Variants in RNF43 observed in about 807,000 individuals in gnomAD.
RNF43 encodes the protein ring finger protein 43.
Under a neutral mutation model 78.4 loss-of-function variants are expected in RNF43, and 37 were observed. The ratio of observed to expected loss-of-function variants is 0.47; its 90% CI spans 0.36 to 0.62. RNF43 has a LOEUF of 0.62. Ranked by LOEUF, RNF43 falls within the 20% of genes least tolerant of loss-of-function variation. The pLI is 0.00. For missense variants in RNF43, 774 were observed against 1,007.9 expected (o/e 0.77, Z 3.14); for synonymous variants, 347 against 395.0 (o/e 0.88, Z 1.44).
chr17:58,376,868 A>C (rs1466278705), intron 2 of RNF43, among the ~76,000 whole-genome samples: 3 of 152,198 alleles, frequency 2.0e-5, no homozygotes, highest in Non-Finnish European at 2.9e-5. Flanking sequence ...ACTGTCTCAC[A>C]GGCTGCCATG....
chr17:58,410,814 G>T (rs898929287), intron 2 of RNF43, among the ~76,000 whole-genome samples: 2 of 152,210 alleles, frequency 1.3e-5, no homozygotes, highest in Non-Finnish European at 2.9e-5. Flanking sequence ...TTATTAGAAG[G>T]TAGCAGGATA....
chr17:58,403,262 G>C (rs900626617), intron 2 of RNF43, among the ~76,000 whole-genome samples: 20 of 152,134 alleles, frequency 1.3e-4, no homozygotes, highest in Admixed American at 5.9e-4. Flanking sequence ...TGGGGGACTT[G>C]CTAATGTTGC....
chr17:58,376,877 T>C (rs533578941), intron 2 of RNF43, among the ~76,000 whole-genome samples: 9 of 152,256 alleles, frequency 5.9e-5, no homozygotes, highest in African/African-American at 2.2e-4. Context: ...CAGGCTGCCA[T>C]GAGGGGCAAA....
chr17:58,353,138 G>A (rs1055269462), downstream of RNF43: 6 of 206,708 alleles, frequency 2.9e-5, no homozygotes, highest in African/African-American at 1.4e-4. Context: ...TTCAGGCCCC[G>A]CTGCGCTGTC....
At chr17:58,408,813 C>T (rs1973967045) in intron 2 of RNF43, among the ~76,000 whole-genome samples, 1 of 152,144 alleles carries the variant, frequency 6.6e-6, no homozygotes, top group South Asian at 2.1e-4. Context: ...TCATTATATT[C>T]ATTAATAAAT....
chr17:58,369,136 G>T (rs1973026810), intron 3 of RNF43, among the ~76,000 whole-genome samples: 2 of 152,090 alleles, frequency 1.3e-5, no homozygotes, highest in Admixed American at 1.3e-4. Flanking sequence ...ACAGGCACTG[G>T]GAACTTGTTT....
chr17:58,395,374 C>T (rs1466107075), intron 2 of RNF43, among the ~76,000 whole-genome samples: 2 of 152,176 alleles, frequency 1.3e-5, no homozygotes, highest in East Asian at 3.9e-4. Context: ...GATCAGAGAT[C>T]TGGTTCCATA....
At chr17:58,397,156 C>T (rs1973700237) in intron 2 of RNF43, among the ~76,000 whole-genome samples, 1 of 151,804 alleles carries the variant, frequency 6.6e-6, no homozygotes, top group Admixed American at 6.6e-5. Context: ...TGTGTACAAG[C>T]AAACTTTATT....
Position 58,415,832 on chromosome 17 carries a change from G to A in RNF43, c.-255C>T. ...TATGTCATTTTCTCCCATCTTCACT[G>A]TGACTAGTAAAGATCTCACCACTTC... On this transcript the variant is annotated 5_prime_UTR_variant, in exon 2 of 10. Coordinates refer to ENST00000407977, the MANE Select transcript of RNF43 (RefSeq NM_017763.6). 2 of 545,136 alleles carry A rather than the reference G, an allele frequency of 3.7e-6. No individual in the cohort carries two copies. The highest frequency in any genetic ancestry group is 6.6e-6 in the Non-Finnish European group (2 of 303,596). The allele number at this position is 545,136 out of a possible 1,614,324, so 33.8% of individuals were successfully genotyped here.
chr17:58,355,100 G>T, intron 9 of RNF43, 114 bp from the exon 10 acceptor site: 1 of 949,756 alleles, frequency 1.1e-6, no homozygotes, highest in Non-Finnish European at 1.7e-6. Context: ...GAGAAGCAGA[G>T]ACTGTCTGGA....
intron 2 of RNF43, among the ~76,000 whole-genome samples, chr17:58,386,601 C>T (rs1973442523): frequency 6.6e-6 from 1 of 152,176 alleles, no homozygotes; most frequent in Admixed American, 6.5e-5. Context: ...ATGTACCATA[C>T]TACTTGTCCA....
intron 3 of RNF43, among the ~76,000 whole-genome samples, chr17:58,366,373 C>G (rs1972949854): frequency 6.6e-6 from 1 of 152,138 alleles, no homozygotes; most frequent in South Asian, 2.1e-4. Flanking sequence ...CAGGTGCGTC[C>G]CTGAAACCTG....
At chr17:58,372,427 C>T (rs978892942) in intron 2 of RNF43, among the ~76,000 whole-genome samples, 3 of 152,138 alleles carry the variant, frequency 2.0e-5, no homozygotes, top group Non-Finnish European at 2.9e-5. Context: ...TATCATGTGC[C>T]CCTGCCCCAA....
At chr17:58,371,190 A>G (rs937108584) in intron 2 of RNF43, among the ~76,000 whole-genome samples, 157 bp from the exon 3 acceptor site, 7 of 152,190 alleles carry the variant, frequency 4.6e-5, no homozygotes, top group Non-Finnish European at 1.0e-4. Context: ...TTAGTAAGCT[A>G]GTGACCACTG....
intron 5 of RNF43, 58 bp downstream of exon 5, chr17:58,363,217 G>A (rs2143465175): frequency 6.3e-7 from 1 of 1,594,530 alleles, no homozygotes; most frequent in Non-Finnish European, 8.5e-7. Flanking sequence ...GGTGGGAGTT[G>A]CCACAGGACA....
At chr17:58,356,856 C>G (rs560272184) in intron 9 of RNF43, 1 of 276,524 alleles carries the variant, frequency 3.6e-6, no homozygotes, top group Admixed American at 4.9e-5. Flanking sequence ...TATGTTTGAG[C>G]TACTACCCCG....
At position 58,360,395 on chromosome 17, in the gene RNF43, G is replaced by A. The variant is rs1369437912; in HGVS notation, c.850-144C>T. 5 of 643,492 alleles carry A rather than the reference G, an allele frequency of 7.8e-6. No homozygotes were observed. Among genetic ancestry groups the A allele is most frequent in the Non-Finnish European group, 1.4e-5 (5 of 365,916 alleles). 39.9% of individuals were successfully genotyped at this position (643,492 alleles called of 1,614,324 possible). On this transcript the variant is annotated intron_variant, in intron 7 of 9. Transcript: ENST00000407977. This position sits in a 1 kb window ranked among gnomAD's most constrained non-coding sequence, Gnocchi z 4.3. ...TCACAGTAGAATAGGAATGGTATGA[G>A]CTTTGGCATCACATAGACCTGGATT...
rs2143392120 is a variant in RNF43, at chr17:58,357,734, A to G, written c.2042T>C (p.Phe681Ser). 5.0e-6 allele frequency: 8 copies of G among 1,612,144 alleles called. No homozygotes were observed. The highest frequency in any genetic ancestry group is 6.8e-6 in the Non-Finnish European group (8 of 1,179,052). The change falls in exon 9 of 10, where the codon TTT (phenylalanine) becomes TCT (serine). Residue 681 changes from phenylalanine (F) to serine (S), a missense_variant. Phe to Ser is a radical substitution (Grantham distance 155). Coordinates refer to ENST00000407977, the MANE Select transcript of RNF43 (RefSeq NM_017763.6). The surrounding 1 kb of genome is among the most constrained non-coding windows in gnomAD (Gnocchi z 4.5). ...DATVHPACQI[F>S]PHYTPSVAYP... The stretch of plus-strand genomic sequence containing the variant: ...TGCCACACTGGGGGTGTAATGGGGA[A>G]AAATCTGGCAAGCTGGGTGCACAGT...
At chr17:58,380,566 T>C (rs890189439) in intron 2 of RNF43, among the ~76,000 whole-genome samples, 25 of 152,172 alleles carry the variant, frequency 1.6e-4, no homozygotes, top group African/African-American at 6.0e-4. Context: ...ATCAGATAAG[T>C]GTTTATTTTT....
Sources: gnomAD v4.1 joint callset for allele counts (sites outside exome capture counted in the v4.1 genomes callset) on GRCh38, gnomAD v4.1.1 for gene constraint, Gnocchi (gnomAD v3.1) non-coding constraint, MANE v1.5 for transcripts, NCBI Gene and HGNC (gene_info 2026-07-23, HGNC 2026-07-21) for gene names.